RIPOR1: variants seen among roughly 807,000 people sequenced by gnomAD.
The protein encoded by RIPOR1 is RHO family interacting cell polarization regulator 1, also known as rho family-interacting cell polarization regulator 1.
In RIPOR1, 58 loss-of-function variants were observed where a neutral mutation model predicts 116.5. That is an observed-to-expected ratio of 0.50 (90% CI 0.40 to 0.62). The LOEUF (loss-of-function observed/expected upper bound fraction) is 0.62. RIPOR1 is among the 20% of genes least tolerant of loss of function. The probability of loss-of-function intolerance (pLI) is 0.00; values close to 1 mark genes in which losing one functional copy is unlikely to be tolerated. For missense variants in RIPOR1, 1,372 were observed against 1,586.2 expected, an observed-to-expected ratio of 0.86 and a Z score of 2.29; for synonymous variants, 605 against 650.0, an observed-to-expected ratio of 0.93 and a Z score of 1.05.
At chr16:67,527,832 G>A (rs1443961049), upstream of RIPOR1, among the ~76,000 whole-genome samples, 1 of 150,138 alleles carries the variant, frequency 6.7e-6, no homozygotes, top group Non-Finnish European at 1.5e-5. Flanking sequence ...TTCCAGCCTG[G>A]GCGACAGTGA....
At chr16:67,539,693 T>C (rs762625430) in intron 4 of RIPOR1, 35 bp from the exon 5 acceptor site, 32 of 1,613,598 alleles carry the variant, frequency 2.0e-5, no homozygotes, top group Non-Finnish European at 2.5e-5. Flanking sequence ...TCCTCATCCC[T>C]CCTAAATATT....
At chr16:67,526,342 C>T (rs551627531), upstream of RIPOR1, among the ~76,000 whole-genome samples, 12 of 152,218 alleles carry the variant, frequency 7.9e-5, no homozygotes, top group East Asian at 1.9e-3. Flanking sequence ...TCACAGGGGC[C>T]GCAGAATAAG....
intron 1 of RIPOR1, among the ~76,000 whole-genome samples, chr16:67,536,365 T>C (rs2050794173): frequency 6.6e-6 from 1 of 152,020 alleles, no homozygotes; most frequent in Non-Finnish European, 1.5e-5. Context: ...GGAGAATCGC[T>C]TGAATCTGAG....
rs1314698627 is a variant in RIPOR1, at chr16:67,530,017, C to T, written c.-24+1103C>T. 9.1e-6 allele frequency: 6 copies of T among 658,676 alleles called. No homozygotes were observed. The highest frequency in any genetic ancestry group is 1.1e-5 in the Non-Finnish European group (4 of 364,370). The allele number at this position is 658,676 out of a possible 1,614,324, so 40.8% of individuals were successfully genotyped here. On this transcript the variant is annotated intron_variant, in intron 1 of 21. Coordinates refer to ENST00000042381, the MANE Select transcript of RIPOR1 (RefSeq NM_024519.4). This position sits in a 1 kb window ranked among gnomAD's most constrained non-coding sequence, Gnocchi z 4.5. Reference sequence around the variant, plus strand: ...AAATACTCCAGCGGGACAAGGAGGACTGGCATAGCTCCTTCTTCCACCGCC... The same window carrying T: ...AAATACTCCAGCGGGACAAGGAGGATTGGCATAGCTCCTTCTTCCACCGCC...
chr16:67,531,465 G>A lies in RIPOR1; in HGVS notation c.-24+2551G>A. On this transcript the variant is annotated intron_variant, in intron 1 of 21. Transcript: ENST00000042381. This position sits in a 1 kb window ranked among gnomAD's most constrained non-coding sequence, Gnocchi z 4.2. ...TGACAACTGGGTTATGTGGTCTCGG[G>A]GTTCAGAGGGAGGAAGTCAAAAAGG... The A allele has an allele frequency of 5.7e-6, 2 of 352,022 alleles. No homozygotes were observed. The highest frequency in any genetic ancestry group is 2.1e-5 in the South Asian group (1 of 48,416). The allele number at this position is 352,022 out of a possible 1,614,324, so 21.8% of individuals were successfully genotyped here.
At chr16:67,527,390 A>G (rs2050550728), upstream of RIPOR1, among the ~76,000 whole-genome samples, 1 of 152,098 alleles carries the variant, frequency 6.6e-6, no homozygotes, top group African/African-American at 2.4e-5. Flanking sequence ...GTCCCCCAAA[A>G]AAAAACAAAA....
rs2050882982 is a variant in RIPOR1, at chr16:67,538,779, C to T, written c.212C>T (p.Pro71Leu). The T allele has an allele frequency of 1.2e-6, 2 of 1,613,552 alleles. No homozygotes were observed. Among genetic ancestry groups the T allele is most frequent in the Non-Finnish European group, 1.7e-6 (2 of 1,179,966 alleles). The change falls in exon 3 of 22, where the codon CCC becomes CTC. Residue 71 changes from proline to leucine, a missense_variant. By Grantham distance (98) the Pro-to-Leu change is moderately conservative. This residue lies in a region of RIPOR1 where 165 missense variants were observed against 145.5 expected (regional missense o/e 1.13). Transcript: ENST00000042381. ...VAHPAAKVPQ[P>L]ERLDLVYTAL... Reference sequence around the variant, plus strand: ...CACCCAGCCGCCAAGGTGCCGCAGCCCGAGCGGCTGGACCTGGTGTACACG... The same window carrying T: ...CACCCAGCCGCCAAGGTGCCGCAGCTCGAGCGGCTGGACCTGGTGTACACG...
At position 67,541,876 on chromosome 16, in the gene RIPOR1, C is replaced by G. The variant is rs1423097712; in HGVS notation, c.1090C>G (p.Arg364Gly). Residue 364 changes from arginine (R) to glycine (G), a missense_variant, in exon 13 of 22, where the codon CGA (arginine) becomes GGA (glycine). This residue lies in a region of RIPOR1 where 1,005 missense variants were observed against 1,144.7 expected (regional missense o/e 0.88). Transcript: ENST00000042381. This position sits in a 1 kb window ranked among gnomAD's most constrained non-coding sequence, Gnocchi z 4.6. The stretch of plus-strand genomic sequence containing the variant: ...CTCTCCTCTTTCTCAGAACATGCTG[C>G]GACGGCAGGAGGAGCTGGAGAATGG... ...LREQAFYNML[R>G]RQEELENGTA... is the part of the protein sequence containing the mutation. 6.2e-7 allele frequency: 1 copy of G among 1,608,890 alleles called. No homozygotes were observed. Among genetic ancestry groups the G allele is most frequent in the African/African-American group, 1.3e-5 (1 of 74,780 alleles).
chr16:67,538,911 C>A, intron 3 of RIPOR1, 79 bp from the exon 4 acceptor site: 2 of 1,608,336 alleles, frequency 1.2e-6, no homozygotes, highest in Admixed American at 3.4e-5. Flanking sequence ...CAGCCCCATG[C>A]CCTCTCCCTG....
rs1294206382 is a variant in RIPOR1 at position 67,530,250 on chromosome 16, G to A, written c.-24+1336G>A. Among the ~76,000 whole-genome samples, 1 of 152,206 alleles carries A rather than the reference G, an allele frequency of 6.6e-6. No individual in the cohort carries two copies. Among genetic ancestry groups the A allele is most frequent in the Non-Finnish European group, 1.5e-5 (1 of 68,014 alleles). Reference sequence around the variant, plus strand: ...CAGCCCTGGCCAGGCCCGGCCCGGGGGAGGCCGCCTGGCTCCCAGCGCGCG... The same window carrying A: ...CAGCCCTGGCCAGGCCCGGCCCGGGAGAGGCCGCCTGGCTCCCAGCGCGCG... On this transcript the variant is annotated intron_variant, in intron 1 of 21. Transcript: ENST00000042381. The surrounding 1 kb of genome is among the most constrained non-coding windows in gnomAD (Gnocchi z 4.5).
chr16:67,543,048 C>T lies in RIPOR1; in HGVS notation c.2262C>T (p.Pro754=), dbSNP rs1173464950. ...AGTCTACGGTTCAGAGTCTAAGCCCCACTCCCTCACCCCCAACCCCTGCAC... is the reference window on the plus strand; with the variant it reads ...AGTCTACGGTTCAGAGTCTAAGCCCTACTCCCTCACCCCCAACCCCTGCAC... The part of the protein sequence containing the change: ...PSESTVQSLS[P]TPSPPTPAPQ... The change falls in exon 13 of 22, where the codon CCC becomes CCT. Residue 754 remains proline (P), a synonymous_variant. Coordinates refer to ENST00000042381, the MANE Select transcript of RIPOR1 (RefSeq NM_024519.4). This position sits in a 1 kb window ranked among gnomAD's most constrained non-coding sequence, Gnocchi z 4.7. 1.3e-6 allele frequency: 2 copies of T among 1,528,990 alleles called. No individual in the cohort carries two copies. The highest frequency in any genetic ancestry group is 2.3e-5 in the East Asian group (1 of 44,288). The allele number at this position is 1,528,990 out of a possible 1,614,324, so 94.7% of individuals were successfully genotyped here. A position where few individuals can be genotyped will look rare whatever the true frequency, so the allele number is the denominator to read the frequency against.
In RIPOR1 at chr16:67,543,242, C is replaced by A; in HGVS notation, c.2456C>A (p.Thr819Asn). 1 of 1,589,858 alleles carries A rather than the reference C, an allele frequency of 6.3e-7. No individual in the cohort carries two copies. The highest frequency in any genetic ancestry group is 8.6e-7 in the Non-Finnish European group (1 of 1,166,330). ...CTGCAGGGCCTGGAGCAGGAGGTGA[C>A]CCGCCTAGAAAGTCTGCTCATGGTG... Reference protein sequence around the residue: ...PELQGLEQEVTRLESLLMQRQ... With the variant: ...PELQGLEQEVNRLESLLMQRQ... The change falls in exon 13 of 22, where the codon ACC becomes AAC. Residue 819 changes from threonine to asparagine, a missense_variant. Transcript: ENST00000042381. The surrounding 1 kb of genome is among the most constrained non-coding windows in gnomAD (Gnocchi z 4.7).
In RIPOR1 at chr16:67,544,188, C is replaced by T. The variant is rs537224847; in HGVS notation, c.2601-111C>T. ...ATGAACTTACCCCACTGTCTGCTGTCGGTGCATCATCTTCTTCCTTTCTGG... is the reference window on the plus strand; with the variant it reads ...ATGAACTTACCCCACTGTCTGCTGTTGGTGCATCATCTTCTTCCTTTCTGG... On this transcript the variant is annotated intron_variant, in intron 14 of 21. Coordinates refer to ENST00000042381, the MANE Select transcript of RIPOR1 (RefSeq NM_024519.4). This position sits in a 1 kb window ranked among gnomAD's most constrained non-coding sequence, Gnocchi z 5.1. 245 of 1,378,454 alleles carry T rather than the reference C, an allele frequency of 1.8e-4. 1 individual carries two copies. The African/African-American group carries it at 2.9e-3, about 17-fold the overall frequency. 85.4% of individuals were successfully genotyped at this position (1,378,454 alleles called of 1,614,324 possible). A position where few individuals can be genotyped will look rare whatever the true frequency, so the allele number is the denominator to read the frequency against.
rs935177464 is a variant in RIPOR1, at chr16:67,530,844, C to T, written c.-24+1930C>T. On this transcript the variant is annotated intron_variant, in intron 1 of 21. Transcript: ENST00000042381. This position sits in a 1 kb window ranked among gnomAD's most constrained non-coding sequence, Gnocchi z 4.5. ...AGGGCTGACATGAGCCCAGAGAGTC[C>T]CCTGGTTCTTATCAGCCAGTCCCCC... Among the ~76,000 whole-genome samples, 1 of 152,124 alleles carries T rather than the reference C, an allele frequency of 6.6e-6. No individual in the cohort carries two copies. Among genetic ancestry groups the T allele is most frequent in the Non-Finnish European group, 1.5e-5 (1 of 68,008 alleles).
At chr16:67,546,058 CT>C (rs761934161) in intron 20 of RIPOR1, 26 bp downstream of exon 20, 10 of 1,610,870 alleles carry the variant, frequency 6.2e-6, no homozygotes, top group South Asian at 2.2e-5. Context: ...CCTCCCACCC[CT>C]CTGTCCGCTT....
chr16:67,526,161 G>T (rs900164815), upstream of RIPOR1, among the ~76,000 whole-genome samples: 3 of 152,174 alleles, frequency 2.0e-5, no homozygotes, highest in African/African-American at 7.2e-5. Flanking sequence ...AGGCAGTAAT[G>T]GGTGCTCAGA....
chr16:67,544,170 T>C lies in RIPOR1; in HGVS notation c.2601-129T>C, dbSNP rs2051088198. ...TCCTTCTGGAAATCCTCCATGAACT[T>C]ACCCCACTGTCTGCTGTCGGTGCAT... On this transcript the variant is annotated intron_variant, in intron 14 of 21. Coordinates refer to ENST00000042381, the MANE Select transcript of RIPOR1 (RefSeq NM_024519.4). The surrounding 1 kb of genome is among the most constrained non-coding windows in gnomAD (Gnocchi z 5.1). 1 of 1,227,148 alleles carries C rather than the reference T, an allele frequency of 8.1e-7. No individual in the cohort carries two copies. Among genetic ancestry groups the C allele is most frequent in the Non-Finnish European group, 1.1e-6 (1 of 886,680 alleles). The allele number at this position is 1,227,148 out of a possible 1,614,324, so 76.0% of individuals were successfully genotyped here.
rs749051541 is a variant in RIPOR1 at position 67,538,431 on chromosome 16, C to A, written c.-16C>A. On this transcript the variant is annotated 5_prime_UTR_variant, in exon 2 of 22. Coordinates refer to ENST00000042381, the MANE Select transcript of RIPOR1 (RefSeq NM_024519.4). ...CCCCCCGATCACCCGCAGGGAGCCC[C>A]GCGCGGACTCACTCTATGATGTCCC... 3 of 1,585,440 alleles carry A rather than the reference C, an allele frequency of 1.9e-6. No homozygotes were observed. Among genetic ancestry groups the A allele is most frequent in the East Asian group, 2.3e-5 (1 of 43,270 alleles).
upstream of RIPOR1, among the ~76,000 whole-genome samples, chr16:67,527,316 C>T (rs563406067): frequency 1.3e-5 from 2 of 151,114 alleles, no homozygotes; most frequent in African/African-American, 4.9e-5. Flanking sequence ...AATTAGAAGG[C>T]GGAGGTTGCA....
Sources: allele counts gnomAD v4.1 joint callset (sites outside exome capture counted in the v4.1 genomes callset), GRCh38; gene constraint gnomAD v4.1.1; regional missense constraint gnomAD v4.1.1; non-coding constraint Gnocchi (gnomAD v3.1); transcripts MANE v1.5; gene names NCBI Gene and HGNC (gene_info 2026-07-23, HGNC 2026-07-21).